KCTD1: variants seen among roughly 807,000 people sequenced by gnomAD.
KCTD1 encodes the protein potassium channel tetramerization domain containing 1, also known as BTB/POZ domain-containing protein KCTD1.
A neutral mutation model predicts 66.0 loss-of-function variants in KCTD1; 24 were observed. The ratio of observed to expected loss-of-function variants is 0.36; its 90% CI spans 0.26 to 0.51. The LOEUF (loss-of-function observed/expected upper bound fraction) is 0.51. Among genes scored for constraint, KCTD1 ranks in the 20% least tolerant of loss-of-function variants. KCTD1 has a pLI of 0.95. For missense variants in KCTD1, 943 were observed against 1,205.2 expected, an observed-to-expected ratio of 0.78 and a Z score of 3.22; for synonymous variants, 511 against 517.2, an observed-to-expected ratio of 0.99 and a Z score of 0.16.
intron 2 of KCTD1, among the ~76,000 whole-genome samples, chr18:26,500,169 C>A (rs901086585): frequency 6.6e-6 from 1 of 151,984 alleles, no homozygotes; most frequent in African/African-American, 2.4e-5. Flanking sequence ...AGAGTCCCAG[C>A]ACTTTCGGAG....
chr18:26,635,485 C>T (rs1455044415), intron 1 of KCTD1, among the ~76,000 whole-genome samples: 2 of 152,226 alleles, frequency 1.3e-5, no homozygotes, highest in Non-Finnish European at 2.9e-5. Context: ...TGGAAAATCG[C>T]CTGGAACCTA....
chr18:26,589,456 A>G (rs556954263), intron 1 of KCTD1, among the ~76,000 whole-genome samples: 34 of 152,272 alleles, frequency 2.2e-4, no homozygotes, highest in African/African-American at 7.0e-4. Flanking sequence ...ACTGGAGCAA[A>G]GGGGCATAGG....
chr18:26,567,900 C>T (rs919894889), intron 1 of KCTD1, among the ~76,000 whole-genome samples: 25 of 152,290 alleles, frequency 1.6e-4, no homozygotes, highest in Non-Finnish European at 3.1e-4. Flanking sequence ...CCCTCTCTTA[C>T]TGCATCAGAA....
chr18:26,608,696 A>T (rs1414874132), intron 1 of KCTD1, among the ~76,000 whole-genome samples: 1 of 151,964 alleles, frequency 6.6e-6, no homozygotes, highest in Non-Finnish European at 1.5e-5. Context: ...ATCACCTCCT[A>T]AGTCTTATTG....
chr18:26,485,247 A>G (rs1981854762), intron 2 of KCTD1, among the ~76,000 whole-genome samples: 2 of 152,220 alleles, frequency 1.3e-5, no homozygotes, highest in Admixed American at 1.3e-4. Flanking sequence ...TGAGGTAGGT[A>G]CCATTATCCC....
chr18:26,579,660 C>G (rs2144917730), intron 1 of KCTD1, among the ~76,000 whole-genome samples: 1 of 152,256 alleles, frequency 6.6e-6, no homozygotes, highest in Non-Finnish European at 1.5e-5. Flanking sequence ...AGTTATTTCC[C>G]ATCATCAAAT....
intron 3 of KCTD1, among the ~76,000 whole-genome samples, chr18:26,470,784 C>A (rs1365471883): frequency 6.6e-6 from 1 of 152,114 alleles, no homozygotes; most frequent in Non-Finnish European, 1.5e-5. Flanking sequence ...CTACACCAGG[C>A]CCAGGTAGGT....
chr18:26,579,637 T>C (rs1224846255), intron 1 of KCTD1, among the ~76,000 whole-genome samples: 1 of 152,216 alleles, frequency 6.6e-6, no homozygotes, highest in Admixed American at 6.5e-5. Flanking sequence ...ATAAATTACA[T>C]GCAAAACACA....
intron 1 of KCTD1, among the ~76,000 whole-genome samples, chr18:26,627,268 GT>G (rs1987522266): frequency 1.2e-4 from 1 of 8,352 alleles, no homozygotes; most frequent in African/African-American, 1.5e-4. Flanking sequence ...GGTTTTGTGT[GT>G]GTGTGTGTGT....
Position 26,455,575 on chromosome 18 carries a change from A to G in KCTD1, c.*168T>C, listed in dbSNP as rs1397461610. ...ACACCTTGAGGATATCACTATTCCA[A>G]TTGTTCCCATATGAATACAGGTGTG... On this transcript the variant is annotated 3_prime_UTR_variant, in exon 5 of 5. Transcript: ENST00000580059. 5 of 633,704 alleles carry G rather than the reference A, an allele frequency of 7.9e-6. No homozygotes were observed. The highest frequency in any genetic ancestry group is 4.2e-5 in the South Asian group (2 of 47,228). The allele number at this position is 633,704 out of a possible 1,614,324, so 39.3% of individuals were successfully genotyped here. A position where few individuals can be genotyped will look rare whatever the true frequency, so the allele number is the denominator to read the frequency against.
rs1041620655 is a variant in KCTD1, at chr18:26,476,808, G to A, written c.1989-149C>T. ...GATTGTCTGCAAAGTGTTGGTCCCCGCTTGATAAATATCTCAGGACGAGAC... is the reference window on the plus strand; with the variant it reads ...GATTGTCTGCAAAGTGTTGGTCCCCACTTGATAAATATCTCAGGACGAGAC... On this transcript the variant is annotated intron_variant, in intron 2 of 4. Transcript: ENST00000580059. The surrounding 1 kb of genome is among the most constrained non-coding windows in gnomAD (Gnocchi z 4.9). 1.1e-5 allele frequency: 7 copies of A among 648,420 alleles called. No individual in the cohort carries two copies. Among genetic ancestry groups the A allele is most frequent in the East Asian group, 2.9e-5 (1 of 34,842 alleles). 40.2% of individuals were successfully genotyped at this position (648,420 alleles called of 1,614,324 possible). A position where few individuals can be genotyped will look rare whatever the true frequency, so the allele number is the denominator to read the frequency against.
chr18:26,572,307 C>T (rs1335784949), intron 1 of KCTD1, among the ~76,000 whole-genome samples: 1 of 152,148 alleles, frequency 6.6e-6, no homozygotes, highest in East Asian at 1.9e-4. Flanking sequence ...ATCCACCTGC[C>T]TTGGTCTCCC....
At chr18:26,583,211 T>G (rs1199580457) in intron 1 of KCTD1, among the ~76,000 whole-genome samples, 5 of 151,914 alleles carry the variant, frequency 3.3e-5, no homozygotes, top group African/African-American at 1.2e-4. Context: ...CTGGACAACA[T>G]GGTGAAACCC....
intron 1 of KCTD1, among the ~76,000 whole-genome samples, chr18:26,625,106 T>A (rs1395025025): frequency 2.0e-5 from 3 of 152,296 alleles, no homozygotes; most frequent in South Asian, 2.1e-4. Flanking sequence ...TCATTGTATC[T>A]GGGAAGAAAC....
At chr18:26,497,984 C>G (rs188098950) in intron 2 of KCTD1, among the ~76,000 whole-genome samples, 1 of 152,280 alleles carries the variant, frequency 6.6e-6, no homozygotes, top group East Asian at 1.9e-4. Flanking sequence ...TGAGAAGAAA[C>G]AATTCCTGGG....
intron 4 of KCTD1, chr18:26,459,401 ATCTGTCTCT>A: frequency 1.9e-6 from 1 of 524,796 alleles, no homozygotes; most frequent in Non-Finnish European, 3.3e-6. Flanking sequence ...CGTGTTCTAT[ATCTGTCTCT>A]TCTGTATCTC....
intron 3 of KCTD1, among the ~76,000 whole-genome samples, chr18:26,464,221 C>G (rs1246797591): frequency 3.9e-5 from 6 of 152,200 alleles, no homozygotes; most frequent in Admixed American, 1.3e-4. Flanking sequence ...GGCAGGGATG[C>G]CTTCCTTCTG....
At chr18:26,507,431 G>T (rs758116341) in intron 1 of KCTD1, among the ~76,000 whole-genome samples, 53 of 152,294 alleles carry the variant, frequency 3.5e-4, no homozygotes, top group Non-Finnish European at 6.9e-4. Context: ...ATGGAGTGGT[G>T]CTATCAGGGA....
At chr18:26,598,801 A>G (rs552499) in intron 1 of KCTD1, among the ~76,000 whole-genome samples, 151,659 of 152,350 alleles carry the variant, frequency 1, 75,491 homozygotes, top group Middle Eastern at 1. Context: ...ATTCTTTGGA[A>G]AAATCTCTCT....
Sources: gnomAD v4.1 joint callset for allele counts (sites outside exome capture counted in the v4.1 genomes callset) on GRCh38, gnomAD v4.1.1 for gene constraint, Gnocchi (gnomAD v3.1) non-coding constraint, MANE v1.5 for transcripts, NCBI Gene and HGNC (gene_info 2026-07-23, HGNC 2026-07-21) for gene names.